PPP2R3B: variants seen among roughly 807,000 people sequenced by gnomAD.
PPP2R3B encodes protein phosphatase 2 regulatory subunit B''beta.
A neutral mutation model predicts 72.9 loss-of-function variants in PPP2R3B; 68 were observed. The observed-to-expected ratio is 0.93, with a 90% confidence interval of 0.77 to 1.14. The LOEUF is 1.14. Among genes scored for constraint, PPP2R3B ranks in the 50% most tolerant of loss-of-function variants. The pLI is 0.00. For missense variants in PPP2R3B, 1,018 were observed against 842.0 expected (o/e 1.21, Z -2.59); for synonymous variants, 466 against 375.8 (o/e 1.24, Z -2.78).
chrX:376,771 G>C (rs1267016396), intron 1 of PPP2R3B, among the ~76,000 whole-genome samples: 232 of 109,936 alleles, frequency 2.1e-3, no homozygotes, highest in Non-Finnish European at 3.7e-3. Flanking sequence ...GTACAGGGAC[G>C]GGCCGTCCAC....
intron 12 of PPP2R3B, chrX:336,735 C>T (rs1393049724): frequency 6.6e-6 from 1 of 152,210 alleles, no homozygotes; most frequent in Non-Finnish European, 1.5e-5. Context: ...CAACGAACAA[C>T]TGGAAACGGG....
At chrX:342,056 G>T in intron 7 of PPP2R3B, 125 bp from the exon 8 acceptor site, 2 of 1,180,248 alleles carry the variant, frequency 1.7e-6, no homozygotes, top group Non-Finnish European at 2.5e-6. Flanking sequence ...GTCTGGGAGA[G>T]CCCCGGGGCC....
chrX:348,871 G>T lies in PPP2R3B; in HGVS notation c.511-1178C>A, dbSNP rs1380074479. On this transcript the variant is annotated intron_variant, in intron 2 of 12. Transcript: ENST00000390665. ...GAAATCACACATGCGTTCCCCTGGA[G>T]AAGAAAAACGAGGGGCGTTTCCCAG... Among the ~76,000 whole-genome samples the T allele has an allele frequency of 2.0e-5, 3 of 152,034 alleles. No homozygotes were observed. In the East Asian group the frequency reaches 5.8e-4, roughly 29 times the overall value.
At chrX:348,043 G>A (rs1352219766) in intron 2 of PPP2R3B, among the ~76,000 whole-genome samples, 4 of 152,164 alleles carry the variant, frequency 2.6e-5, no homozygotes, top group Admixed American at 6.6e-5. Context: ...GCCAGGCAAC[G>A]CGGTGAATCG....
rs1569423208 is a variant in PPP2R3B at position 386,727 on chromosome X, G to A, written c.-36C>T. On this transcript the variant is annotated 5_prime_UTR_variant, in exon 1 of 13. Coordinates refer to ENST00000390665, the MANE Select transcript of PPP2R3B (RefSeq NM_013239.5). ...GGGCCCGCGGCGCCCCCGGACGCCCGCGCCCCGCCCCGCCCCGGGGGCTTC... is the reference window on the plus strand; with the variant it reads ...GGGCCCGCGGCGCCCCCGGACGCCCACGCCCCGCCCCGCCCCGGGGGCTTC... 4 of 1,205,278 alleles carry A rather than the reference G, an allele frequency of 3.3e-6. No individual in the cohort carries two copies. The highest frequency in any genetic ancestry group is 3.1e-6 in the Non-Finnish European group (3 of 973,038). The allele number at this position is 1,205,278 out of a possible 1,614,324, so 74.7% of individuals were successfully genotyped here.
chrX:346,343 G>C, intron 5 of PPP2R3B, 83 bp from the exon 6 acceptor site: 10 of 1,389,376 alleles, frequency 7.2e-6, no homozygotes, highest in Non-Finnish European at 9.9e-6. Context: ...CCGGGAGAGG[G>C]GCGCGCCCTT....
At chrX:383,825 G>A (rs1329071618) in intron 1 of PPP2R3B, among the ~76,000 whole-genome samples, 7 of 103,938 alleles carry the variant, frequency 6.7e-5, no homozygotes, top group Non-Finnish European at 1.0e-4. Context: ...GGGACAGAGC[G>A]AGACTCCGTC....
chrX:362,320 G>C (rs1569402547), intron 1 of PPP2R3B: 1 of 152,768 alleles, frequency 6.5e-6, no homozygotes, highest in African/African-American at 2.4e-5. Context: ...ATCCCGTGAT[G>C]TTAAAACACC....
At chrX:339,011 G>C in intron 10 of PPP2R3B, 115 bp from the exon 11 acceptor site, 2 of 848,062 alleles carry the variant, frequency 2.4e-6, no homozygotes, top group Admixed American at 1.8e-5. Context: ...GAAGCTCCGG[G>C]CTCTCACGCC....
chrX:366,720 A>G (rs1477997323), intron 1 of PPP2R3B, among the ~76,000 whole-genome samples: 5 of 93,954 alleles, frequency 5.3e-5, no homozygotes, highest in African/African-American at 2.2e-4. Context: ...ACGATTAACC[A>G]GGTGTGGTGG....
chrX:343,782 G>A lies in PPP2R3B; in HGVS notation c.1036+1734C>T, dbSNP rs1163669427. ...GTGAGACCTCAGCAACGGGAGGGGG[G>A]GAGGGAGACCTCACCAAGGAGACGC... is the stretch of plus-strand genomic sequence containing the variant. On this transcript the variant is annotated intron_variant, in intron 7 of 12. Coordinates refer to ENST00000390665, the MANE Select transcript of PPP2R3B (RefSeq NM_013239.5). 1.6e-4 allele frequency among the ~76,000 whole-genome samples: 3 copies of A among 18,928 alleles called. 1 individual carries two copies. The highest frequency in any genetic ancestry group is 6.6e-4 in the African/African-American group (3 of 4,528). 12.4% of individuals were successfully genotyped at this position (18,928 alleles called of 152,430 possible). A position where few individuals can be genotyped will look rare whatever the true frequency, so the allele number is the denominator to read the frequency against.
At chrX:381,146 C>G (rs2072115771) in intron 1 of PPP2R3B, among the ~76,000 whole-genome samples, 1 of 152,014 alleles carries the variant, frequency 6.6e-6, no homozygotes, top group Non-Finnish European at 1.5e-5. Context: ...CCAGGCTGGG[C>G]TCAAACTCCT....
chrX:335,418 T>C (rs1331575965), intron 12 of PPP2R3B: 1 of 152,278 alleles, frequency 6.6e-6, no homozygotes, highest in Admixed American at 6.5e-5. Context: ...GTGCAAACAA[T>C]GACCACGAGG....
At chrX:382,967 C>T (rs962010889) in intron 1 of PPP2R3B, among the ~76,000 whole-genome samples, 1 of 152,094 alleles carries the variant, frequency 6.6e-6, no homozygotes, top group African/African-American at 2.4e-5. Context: ...TCTCAACCTC[C>T]TCAGTAAATG....
At chrX:345,230 G>A (rs2071172213) in intron 7 of PPP2R3B, 2 of 652,648 alleles carry the variant, frequency 3.1e-6, no homozygotes, top group Non-Finnish European at 5.7e-6. Context: ...GCCCCACAGC[G>A]CTGCTGGCCC....
intron 7 of PPP2R3B, chrX:345,017 T>TA (rs1378129923): frequency 2.7e-6 from 1 of 370,518 alleles, no homozygotes; most frequent in Non-Finnish European, 5.3e-6. Flanking sequence ...GGATGACTCT[T>TA]AGAGGGGCCG....
chrX:363,661 C>G (rs1306336254), intron 1 of PPP2R3B, among the ~76,000 whole-genome samples: 350 of 1,534 alleles, frequency 0.23, 20 homozygotes, highest in Admixed American at 0.29. Context: ...CCTGTGCCCA[C>G]CATCCCACAA....
intron 1 of PPP2R3B, among the ~76,000 whole-genome samples, chrX:384,712 T>A (rs2072206322): frequency 6.6e-6 from 1 of 151,926 alleles, no homozygotes; most frequent in Admixed American, 6.6e-5. Context: ...AGGCCAGGTG[T>A]GGTGGCTCAC....
rs1569387076 is a variant in PPP2R3B, at chrX:346,676, GACGGCCCCTCCGCTGGGGACCC to G, written c.792+3_792+24del. Reference sequence around the variant, plus strand: ...AACACCCGCGCCCCGCGCTGGAACCGACGGCCCCTCCGCTGGGGACCCACCGTGGTGATGTAGCGCGAGTGGA... The same window carrying G: ...AACACCCGCGCCCCGCGCTGGAACCGACCGTGGTGATGTAGCGCGAGTGGA... On this transcript the variant is annotated splice_donor_5th_base_variant and intron_variant, in intron 5 of 12. Coordinates refer to ENST00000390665, the MANE Select transcript of PPP2R3B (RefSeq NM_013239.5). 6.3e-7 allele frequency: 1 copy of G among 1,593,026 alleles called. No homozygotes were observed. Among genetic ancestry groups the G allele is most frequent in the Admixed American group, 1.7e-5 (1 of 59,096 alleles).
Sources: allele counts gnomAD v4.1 joint callset (sites outside exome capture counted in the v4.1 genomes callset), GRCh38; gene constraint gnomAD v4.1.1; transcripts MANE v1.5; gene names NCBI Gene and HGNC (gene_info 2026-07-23, HGNC 2026-07-21).